The following MYLK3 variants were observed in gnomAD, a reference collection of about 807,000 sequenced individuals.
MYLK3 encodes the protein MLC kinase.
MYLK3 carries 55 observed loss-of-function variants against 76.3 expected under a neutral mutation model. That is an observed-to-expected ratio of 0.72 (90% CI 0.58 to 0.90). The LOEUF is 0.90. Among genes scored for constraint, MYLK3 ranks in the 40% least tolerant of loss-of-function variants. The probability of loss-of-function intolerance (pLI) is 0.00; values close to 1 mark genes in which losing one functional copy is unlikely to be tolerated. For synonymous variants in MYLK3, 416 were observed against 425.4 expected, an observed-to-expected ratio of 0.98 and a Z score of 0.27; for missense variants, 973 against 1,053.6, an observed-to-expected ratio of 0.92 and a Z score of 1.06.
chr16:46,739,996 G>A (rs1390856336), intron 2 of MYLK3, 61 bp downstream of exon 2: 2 of 1,188,678 alleles, frequency 1.7e-6, no homozygotes, highest in East Asian at 2.4e-5. Flanking sequence ...TGTTGTTGGG[G>A]CCTTTATTCT....
upstream of MYLK3, among the ~76,000 whole-genome samples, chr16:46,750,128 G>T (rs527993391): frequency 1.3e-5 from 2 of 152,324 alleles, no homozygotes; most frequent in East Asian, 3.9e-4. Flanking sequence ...CACCCGACCA[G>T]GGCAGGGGGC....
At chr16:46,742,450 ACACACACACAC>A (rs1966948936) in intron 1 of MYLK3, among the ~76,000 whole-genome samples, 9 of 91,420 alleles carry the variant, frequency 9.8e-5, no homozygotes, top group African/African-American at 7.6e-5. Flanking sequence ...CAGCAAAAAC[ACACACACACAC>A]ACACACACAC....
At chr16:46,760,605 C>T (rs1435058534) in intron 1 of MYLK3, among the ~76,000 whole-genome samples, 2 of 152,156 alleles carry the variant, frequency 1.3e-5, no homozygotes, top group Non-Finnish European at 2.9e-5. Flanking sequence ...ATGTAACTCA[C>T]CAGTGCTCCC....
chr16:46,731,206 C>T (rs563143807), intron 4 of MYLK3, among the ~76,000 whole-genome samples: 1 of 152,352 alleles, frequency 6.6e-6, no homozygotes, highest in South Asian at 2.1e-4. Flanking sequence ...GCATGACAGC[C>T]CGTGATGGAG....
At chr16:46,762,914 C>CTCA in intron 1 of MYLK3, 1 of 695,126 alleles carries the variant, frequency 1.4e-6, no homozygotes, top group Non-Finnish European at 1.8e-6. Flanking sequence ...CCAAGAGCTG[C>CTCA]TCATTTTTCT....
upstream of MYLK3, among the ~76,000 whole-genome samples, chr16:46,751,809 A>G (rs1280496211): frequency 2.0e-5 from 3 of 152,210 alleles, no homozygotes; most frequent in East Asian, 1.9e-4. Flanking sequence ...GAGTAGCCAG[A>G]AGGACCAGCT....
At position 46,703,777 on chromosome 16, in the gene MYLK3, A is replaced by T. The variant is rs1187621866; in HGVS notation, c.*3927T>A. The T allele has an allele frequency of 6.5e-6, 1 of 153,794 alleles. No individual in the cohort carries two copies. The highest frequency in any genetic ancestry group is 2.4e-5 in the African/African-American group (1 of 41,460). 9.5% of individuals were successfully genotyped at this position (153,794 alleles called of 1,614,324 possible). The stretch of plus-strand genomic sequence containing the variant: ...ATTGTTTCTCTAGGTAAGGAATAAC[A>T]GCATAAAGGGAAAAAAATTAAAATT... On this transcript the variant is annotated 3_prime_UTR_variant, in exon 13 of 13. Coordinates refer to ENST00000394809, the MANE Select transcript of MYLK3 (RefSeq NM_182493.3).
In MYLK3 at chr16:46,761,983, G is replaced by C. The variant is rs1428799094; in HGVS notation, c.-114+1057C>G. Among the ~76,000 whole-genome samples the C allele has an allele frequency of 2.0e-5, 3 of 151,794 alleles. No homozygotes were observed. In the East Asian group the frequency reaches 5.8e-4, roughly 29 times the overall value. On this transcript the variant is annotated intron_variant, in intron 1 of 11. Coordinates refer to the MYLK3 transcript ENST00000536476. Reference sequence around the variant, plus strand: ...AGCATCCACATAGAAGCTCAAATCAGCAAGTGTTTACCACTTCTGGGAAGC... The same window carrying C: ...AGCATCCACATAGAAGCTCAAATCACCAAGTGTTTACCACTTCTGGGAAGC...
At chr16:46,760,067 G>A (rs150733644) in intron 1 of MYLK3, among the ~76,000 whole-genome samples, 76 of 152,330 alleles carry the variant, frequency 5.0e-4, no homozygotes, top group African/African-American at 1.8e-3. Context: ...AGGACAACCC[G>A]CCTCATGCAG....
Position 46,732,575 on chromosome 16 carries a change from T to A in MYLK3, c.1095A>T (p.Pro365=), listed in dbSNP as rs764469826. ...SLGPTLTTEA[P]AAAQPGKQGP... is the part of the protein sequence containing the mutation. ...CCTGCTTGCCTGGCTGGGCAGCTGC[T>A]GGAGCCTCTGTGGTGAGGGTGGGTC... The change falls in exon 4 of 13, where the codon CCA becomes CCT. Residue 365 remains proline, a synonymous_variant. Coordinates refer to ENST00000394809, the MANE Select transcript of MYLK3 (RefSeq NM_182493.3). 7 of 1,599,060 alleles carry A rather than the reference T, an allele frequency of 4.4e-6. No homozygotes were observed. Among genetic ancestry groups the A allele is most frequent in the Non-Finnish European group, 4.2e-6 (5 of 1,179,362 alleles).
chr16:46,707,518 C>T lies in MYLK3; in HGVS notation c.*186G>A, dbSNP rs977523556. 1.1e-5 allele frequency: 6 copies of T among 538,914 alleles called. No homozygotes were observed. The highest frequency in any genetic ancestry group is 2.8e-5 in the South Asian group (1 of 36,102). The allele number at this position is 538,914 out of a possible 1,614,324, so 33.4% of individuals were successfully genotyped here. A position where few individuals can be genotyped will look rare whatever the true frequency, so the allele number is the denominator to read the frequency against. On this transcript the variant is annotated 3_prime_UTR_variant, in exon 13 of 13. Coordinates refer to ENST00000394809, the MANE Select transcript of MYLK3 (RefSeq NM_182493.3). ...AGTGATCTTACAAGGCAGAAAAAAA[C>T]GTTCTTAGGAAGCTTCTTTACAGCC...
In MYLK3 at chr16:46,761,902, T is replaced by C. The variant is rs370395482; in HGVS notation, c.-114+1138A>G. On this transcript the variant is annotated intron_variant, in intron 1 of 11. Coordinates refer to the MYLK3 transcript ENST00000536476. Reference sequence around the variant, plus strand: ...ATGTAAGTCATGCCTTAATCAGTTCTGCTAGCATGAAAAAAAAAAAAAAAG... The same window carrying C: ...ATGTAAGTCATGCCTTAATCAGTTCCGCTAGCATGAAAAAAAAAAAAAAAG... 9.7e-3 allele frequency among the ~76,000 whole-genome samples: 1,070 copies of C among 109,978 alleles called. 13 individuals are homozygous for C. The highest frequency in any genetic ancestry group is 0.035 in the African/African-American group (1,006 of 28,926). The allele number at this position is 109,978 out of a possible 152,430, so 72.1% of individuals were successfully genotyped here. A position where few individuals can be genotyped will look rare whatever the true frequency, so the allele number is the denominator to read the frequency against.
At chr16:46,728,898 T>A (rs549953333) in intron 7 of MYLK3, 126 bp downstream of exon 7, 2 of 685,498 alleles carry the variant, frequency 2.9e-6, no homozygotes, top group East Asian at 5.1e-5. Flanking sequence ...GAAGACAGGA[T>A]GACACGACCC....
At chr16:46,762,963 G>C (rs1473016400) in intron 1 of MYLK3, 1 of 968,662 alleles carries the variant, frequency 1.0e-6, no homozygotes. Flanking sequence ...TTTTCTGGTG[G>C]GTCTACAAGT....
intron 1 of MYLK3, among the ~76,000 whole-genome samples, chr16:46,756,888 G>A (rs1351121779): frequency 2.0e-5 from 3 of 152,142 alleles, no homozygotes; most frequent in African/African-American, 7.2e-5. Flanking sequence ...CCATCCTTAA[G>A]ACCAGCCACA....
intron 9 of MYLK3, among the ~76,000 whole-genome samples, chr16:46,714,380 C>T (rs1453838593): frequency 2.6e-5 from 4 of 152,244 alleles, no homozygotes; most frequent in Admixed American, 2.0e-4. Flanking sequence ...TCCTCTCCTC[C>T]AAATTTGCTG....
In MYLK3 at chr16:46,721,300, G is replaced by C. The variant is rs1966797276; in HGVS notation, c.1915-107C>G. ...TTCCAGCCTTCAAGGGACATGAATG[G>C]CTCAGGGCAGCCCTGCAAGGGCTGG... On this transcript the variant is annotated intron_variant, in intron 8 of 12. Transcript: ENST00000394809. 7 of 965,232 alleles carry C rather than the reference G, an allele frequency of 7.3e-6. No homozygotes were observed. The Admixed American group carries it at 8.3e-5, about 11-fold the overall frequency. The allele number at this position is 965,232 out of a possible 1,614,324, so 59.8% of individuals were successfully genotyped here.
At chr16:46,731,497 G>A (rs149764221) in intron 4 of MYLK3, among the ~76,000 whole-genome samples, 67 of 152,268 alleles carry the variant, frequency 4.4e-4, no homozygotes, top group African/African-American at 8.9e-4. Context: ...AAGTTGGCTC[G>A]GGCTAGCGTT....
chr16:46,709,490 A>G, intron 12 of MYLK3, 49 bp downstream of exon 12: 1 of 1,565,954 alleles, frequency 6.4e-7, no homozygotes, highest in Non-Finnish European at 8.6e-7. Context: ...TTTTCCAAGG[A>G]CAGATTAGGA....
Sources: gnomAD v4.1 joint callset for allele counts (sites outside exome capture counted in the v4.1 genomes callset) on GRCh38, gnomAD v4.1.1 for gene constraint, MANE v1.5 for transcripts, NCBI Gene and HGNC (gene_info 2026-07-23, HGNC 2026-07-21) for gene names.